ADAMTSL3: variants seen among roughly 807,000 people sequenced by gnomAD.
ADAMTSL3 encodes the protein ADAMTS like 3, also known as ADAMTS-like protein 3.
A neutral mutation model predicts 201.7 loss-of-function variants in ADAMTSL3; 128 were observed. That is an observed-to-expected ratio of 0.63 (90% CI 0.55 to 0.73). ADAMTSL3 has a LOEUF of 0.73. ADAMTSL3 is among the 30% of genes least tolerant of loss of function. The probability of loss-of-function intolerance (pLI) is 0.00; values close to 1 mark genes in which losing one functional copy is unlikely to be tolerated. For synonymous variants in ADAMTSL3, 738 were observed against 748.4 expected (o/e 0.99, Z 0.23); for missense variants, 1,990 against 2,119.6 (o/e 0.94, Z 1.20).
intron 2 of ADAMTSL3, among the ~76,000 whole-genome samples, chr15:83,680,655 A>G (rs914691914): frequency 9.2e-5 from 14 of 151,586 alleles, no homozygotes; most frequent in African/African-American, 3.4e-4. Context: ...ATCTTTTATA[A>G]TTTTTGTGTT....
chr15:83,864,308 CA>C (rs2064929335), intron 8 of ADAMTSL3, among the ~76,000 whole-genome samples: 1 of 151,890 alleles, frequency 6.6e-6, no homozygotes, highest in African/African-American at 2.4e-5. Context: ...GAGACACAAC[CA>C]AAAAAGAGAA....
chr15:84,030,748 G>C (rs774697117), intron 27 of ADAMTSL3, among the ~76,000 whole-genome samples: 1 of 152,138 alleles, frequency 6.6e-6, no homozygotes, highest in African/African-American at 2.4e-5. Context: ...GATATGGTTA[G>C]GCTTTTTGTC....
intron 5 of ADAMTSL3, among the ~76,000 whole-genome samples, chr15:83,808,039 A>G (rs1480133143): frequency 1.3e-5 from 2 of 152,250 alleles, no homozygotes; most frequent in Non-Finnish European, 2.9e-5. Context: ...AACTGATAGA[A>G]GAAAACAGAG....
intron 20 of ADAMTSL3, among the ~76,000 whole-genome samples, chr15:83,971,853 T>A (rs1373636836): frequency 6.7e-6 from 1 of 148,960 alleles, no homozygotes; most frequent in Non-Finnish European, 1.5e-5. Context: ...CTTATTTTAA[T>A]GCTGCTTAGG....
At position 83,923,836 on chromosome 15, in the gene ADAMTSL3, T is replaced by C. The variant is rs2066193368; in HGVS notation, c.1988-68T>C. The C allele has an allele frequency of 5.7e-6, 9 of 1,572,906 alleles. No homozygotes were observed. The Admixed American group carries it at 1.5e-4, about 27-fold the overall frequency. On this transcript the variant is annotated intron_variant, in intron 16 of 29. Transcript: ENST00000286744. ...TGCTAAGAATGAGAAGACCTAAGAC[T>C]CTATTTTCTTTTTTCCACAATAAAT... is the stretch of plus-strand genomic sequence containing the variant.
intron 3 of ADAMTSL3, among the ~76,000 whole-genome samples, chr15:83,737,477 T>C (rs2062386133): frequency 6.6e-6 from 1 of 152,150 alleles, no homozygotes; most frequent in Admixed American, 6.6e-5. Context: ...AGTTCCTCCT[T>C]TGTTCACTCT....
At chr15:83,991,284 G>T in intron 23 of ADAMTSL3, 70 bp downstream of exon 23, 1 of 1,599,674 alleles carries the variant, frequency 6.3e-7, no homozygotes, top group South Asian at 1.1e-5. Context: ...GTGTTGCCAG[G>T]AAACACCAGC....
At chr15:83,920,564 C>A (rs984604761) in intron 16 of ADAMTSL3, among the ~76,000 whole-genome samples, 1 of 152,292 alleles carries the variant, frequency 6.6e-6, no homozygotes. Flanking sequence ...CCCCTTCAGT[C>A]AAACTAGCTA....
intron 15 of ADAMTSL3, among the ~76,000 whole-genome samples, chr15:83,907,986 AGTG>A (rs2065870752): frequency 1.3e-5 from 2 of 152,326 alleles, no homozygotes; most frequent in Admixed American, 1.3e-4. Flanking sequence ...TCCTACTGAC[AGTG>A]TTTAAGTGTC....
Position 83,982,995 on chromosome 15 carries a change from C to CGATA in ADAMTSL3, c.3367_3368insGATA (p.Gln1123ArgfsTer2). The CGATA allele has an allele frequency of 6.2e-7, 1 of 1,614,112 alleles. No individual in the cohort carries two copies. Among genetic ancestry groups the CGATA allele is most frequent in the Non-Finnish European group, 8.5e-7 (1 of 1,180,020 alleles). ...TGATCTTGCGTCCCAGCTGATATAT[C>CGATA]AGCTGGTGGCCGAATTAGCCAAGGC... On this transcript the variant is annotated stop_gained and frameshift_variant, in exon 21 of 30. Transcript: ENST00000286744. LOFTEE classifies it high-confidence loss of function.
At chr15:83,959,913 G>A (rs2142089891) in intron 19 of ADAMTSL3, among the ~76,000 whole-genome samples, 1 of 152,254 alleles carries the variant, frequency 6.6e-6, no homozygotes, top group South Asian at 2.1e-4. Flanking sequence ...CATTCAGGAT[G>A]GGGAGAAAAA....
At chr15:83,755,471 G>C (rs1010220141) in intron 3 of ADAMTSL3, among the ~76,000 whole-genome samples, 4 of 151,524 alleles carry the variant, frequency 2.6e-5, no homozygotes, top group Admixed American at 6.6e-5. Context: ...CTGTCTCTGT[G>C]AATTTGACTA....
rs2067397080 is a variant in ADAMTSL3, at chr15:83,982,299, C to G, written c.2671C>G (p.Leu891Val). ...SKIKSEMKTK[L>V]GEQGPQILSV... Reference sequence around the variant, plus strand: ...AATCAAATCAGAGATGAAGACAAAACTTGGTGAGCAGGGTCCGCAGATCCT... The same window carrying G: ...AATCAAATCAGAGATGAAGACAAAAGTTGGTGAGCAGGGTCCGCAGATCCT... Residue 891 changes from leucine (L) to valine (V), a missense_variant, in exon 21 of 30, where the codon CTT (leucine) becomes GTT (valine). By Grantham distance (32) the Leu-to-Val change is conservative. Transcript: ENST00000286744. The G allele has an allele frequency of 6.3e-7, 1 of 1,596,028 alleles. No individual in the cohort carries two copies. The highest frequency in any genetic ancestry group is 8.6e-7 in the Non-Finnish European group (1 of 1,169,026).
At chr15:83,924,851 A>G (rs1331098240) in intron 17 of ADAMTSL3, among the ~76,000 whole-genome samples, 1 of 152,034 alleles carries the variant, frequency 6.6e-6, no homozygotes, top group Non-Finnish European at 1.5e-5. Flanking sequence ...CGAAAATGTT[A>G]AGCCCATTCC....
At chr15:83,734,337 C>T (rs898027740) in intron 3 of ADAMTSL3, among the ~76,000 whole-genome samples, 9 of 152,102 alleles carry the variant, frequency 5.9e-5, no homozygotes, top group African/African-American at 1.7e-4. Flanking sequence ...GATTTGTAGA[C>T]ATTATTTTGA....
chr15:83,663,571 C>T (rs1179778868), intron 2 of ADAMTSL3, among the ~76,000 whole-genome samples: 1 of 152,196 alleles, frequency 6.6e-6, no homozygotes, highest in Non-Finnish European at 1.5e-5. Context: ...CTTTGCTACA[C>T]ACTTGATACA....
intron 4 of ADAMTSL3, among the ~76,000 whole-genome samples, chr15:83,788,215 C>A (rs2063294280): frequency 6.6e-6 from 1 of 152,064 alleles, no homozygotes. Context: ...TTCTAATTTT[C>A]ATTCACTTTA....
At chr15:83,715,451 T>C (rs1160323440) in intron 3 of ADAMTSL3, among the ~76,000 whole-genome samples, 1 of 152,218 alleles carries the variant, frequency 6.6e-6, no homozygotes, top group Non-Finnish European at 1.5e-5. Flanking sequence ...ATTGAACTGA[T>C]TGGGTACTTT....
At chr15:84,020,845 G>C (rs1276159791) in intron 25 of ADAMTSL3, among the ~76,000 whole-genome samples, 3 of 152,246 alleles carry the variant, frequency 2.0e-5, no homozygotes, top group Non-Finnish European at 4.4e-5. Flanking sequence ...TATCTCTTCA[G>C]ATGTCTCTGT....
Sources: allele counts gnomAD v4.1 joint callset (sites outside exome capture counted in the v4.1 genomes callset), GRCh38; gene constraint gnomAD v4.1.1; transcripts MANE v1.5; gene names NCBI Gene and HGNC (gene_info 2026-07-23, HGNC 2026-07-21).